The following ITIH6 variants were observed in gnomAD, a reference collection of about 807,000 sequenced individuals.
ITIH6 encodes the protein inter-alpha-trypsin inhibitor heavy chain H6.
A neutral mutation model predicts 58.2 loss-of-function variants in ITIH6; 60 were observed. The observed-to-expected ratio is 1.03, with a 90% CI of 0.84 to 1.28. The LOEUF (loss-of-function observed/expected upper bound fraction) is 1.28. Ranked by LOEUF, ITIH6 falls within the 50% of genes most tolerant of loss-of-function variation. The pLI, the probability that ITIH6 is intolerant of heterozygous loss-of-function variation, is 0.00. For synonymous variants in ITIH6, 493 were observed against 417.4 expected (o/e 1.18, Z -2.21); for missense variants, 1,290 against 1,021.1 (o/e 1.26, Z -3.59).
intron 5 of ITIH6, among the ~76,000 whole-genome samples, chrX:54,785,180 G>C (rs1237670809): frequency 9.9e-6 from 1 of 101,378 alleles, no homozygotes. Context: ...ATAGAGAGTA[G>C]AAGAGTGGTT....
chrX:54,775,950 G>T (rs1031323411), intron 5 of ITIH6, among the ~76,000 whole-genome samples: 1 of 112,013 alleles, frequency 8.9e-6, no homozygotes, highest in Non-Finnish European at 1.9e-5. Flanking sequence ...ACACAAATAA[G>T]CACCTTCAAA....
At position 54,750,080 on chromosome X, in the gene ITIH6, G is replaced by T; in HGVS notation, c.3757C>A (p.Leu1253Met). ...CATGGCCCCATAGGTCCTGTCACCA[G>T]TCGGATGTCTGCGTGCTGGAACTGC... ...IGQFQHADIRLVTGPMGPCLR... is the reference protein window; with the variant it reads ...IGQFQHADIRMVTGPMGPCLR... The change falls in exon 13 of 13, where the codon CTG becomes ATG. Residue 1253 changes from leucine to methionine, a missense_variant. Physicochemically the swap from Leu to Met is conservative, Grantham distance 15. Coordinates refer to ENST00000218436, the MANE Select transcript of ITIH6 (RefSeq NM_198510.3). 1 of 1,209,171 alleles carries T rather than the reference G, an allele frequency of 8.3e-7. No individual in the cohort carries two copies. Among genetic ancestry groups the T allele is most frequent in the Non-Finnish European group, 1.1e-6 (1 of 893,920 alleles).
chrX:54,763,551 G>T (rs1355458530), intron 6 of ITIH6, among the ~76,000 whole-genome samples: 1 of 112,301 alleles, frequency 8.9e-6, no homozygotes, highest in African/African-American at 3.2e-5. Context: ...AATTTGTTAA[G>T]GTATGTTTTA....
At chrX:54,776,319 G>A (rs1255452171) in intron 5 of ITIH6, among the ~76,000 whole-genome samples, 1 of 111,481 alleles carries the variant, frequency 9.0e-6, no homozygotes, top group Admixed American at 9.5e-5. Flanking sequence ...TCACCGCCAT[G>A]GACTAAAGTG....
intron 4 of ITIH6, among the ~76,000 whole-genome samples, chrX:54,789,049 G>GAGAC (rs757191656): frequency 2.7e-5 from 3 of 112,632 alleles, no homozygotes; most frequent in Non-Finnish European, 3.8e-5. Flanking sequence ...GTGTGTCCAG[G>GAGAC]AGACAGACAG....
intron 2 of ITIH6, among the ~76,000 whole-genome samples, chrX:54,795,743 T>G (rs1259024914): frequency 3.6e-5 from 4 of 112,011 alleles, no homozygotes; most frequent in Non-Finnish European, 5.6e-5. Context: ...TCTGAGGTTT[T>G]CTCCACCAGC....
chrX:54,784,867 C>T (rs1836016638), intron 5 of ITIH6, among the ~76,000 whole-genome samples: 1 of 111,834 alleles, frequency 8.9e-6, no homozygotes, highest in Admixed American at 9.5e-5. Flanking sequence ...TAAAGAAAAT[C>T]AGTGTATCCA....
intron 6 of ITIH6, among the ~76,000 whole-genome samples, 179 bp from the exon 7 acceptor site, chrX:54,760,106 A>G (rs1010736452): frequency 6.2e-5 from 7 of 112,313 alleles, no homozygotes; most frequent in African/African-American, 2.3e-4. Flanking sequence ...TCCAAGGCAT[A>G]GAACTGCACT....
At chrX:54,764,257 TTC>T (rs1344207634) in intron 6 of ITIH6, among the ~76,000 whole-genome samples, 1 of 110,669 alleles carries the variant, frequency 9.0e-6, no homozygotes, top group African/African-American at 3.3e-5. Context: ...TCTTTTAAAA[TTC>T]TTTTTTTTTT....
chrX:54,779,708 T>C (rs1929115633), intron 5 of ITIH6, among the ~76,000 whole-genome samples: 1 of 110,753 alleles, frequency 9.0e-6, no homozygotes, highest in South Asian at 3.8e-4. Context: ...TCACATCGAA[T>C]GTAAATGGGC....
chrX:54,778,687 G>T (rs1929097178), intron 5 of ITIH6, among the ~76,000 whole-genome samples: 1 of 111,593 alleles, frequency 9.0e-6, no homozygotes, highest in Non-Finnish European at 1.9e-5. Flanking sequence ...CTAATGAGGA[G>T]ATAGAGAAAG....
chrX:54,795,480 C>T lies in ITIH6; in HGVS notation c.257+1462G>A, dbSNP rs186064766. ...ATGGTTTGGAGACCATTAAGTGAGA[C>T]CCAAGGAGGTGCTCTAACATTGAAA... On this transcript the variant is annotated intron_variant, in intron 2 of 12. Coordinates refer to ENST00000218436, the MANE Select transcript of ITIH6 (RefSeq NM_198510.3). 6.2e-3 allele frequency among the ~76,000 whole-genome samples: 696 copies of T among 111,441 alleles called. 4 individuals carry two copies. Among genetic ancestry groups the T allele is most frequent in the Middle Eastern group, 0.028 (6 of 215 alleles).
At position 54,757,346 on chromosome X, in the gene ITIH6, T is replaced by A; in HGVS notation, c.2728A>T (p.Ser910Cys). 1 of 1,204,986 alleles carries A rather than the reference T, an allele frequency of 8.3e-7. No individual in the cohort carries two copies. The highest frequency in any genetic ancestry group is 1.1e-6 in the Non-Finnish European group (1 of 891,865). Reference sequence around the variant, plus strand: ...GTGGTACTGCTGGGACCTGTGGAACTTGAGATTGTATTTGGGAATGTGCTT... The same window carrying A: ...GTGGTACTGCTGGGACCTGTGGAACATGAGATTGTATTTGGGAATGTGCTT... ...SLSTFPNTIS[S>C]STGPSSTTTT... Residue 910 changes from serine (S) to cysteine (C), a missense_variant, in exon 8 of 13, where the codon AGT becomes TGT. Physicochemically the swap from Ser to Cys is moderately radical, Grantham distance 112 (BLOSUM62 -1). Coordinates refer to ENST00000218436, the MANE Select transcript of ITIH6 (RefSeq NM_198510.3).
At position 54,753,694 on chromosome X, in the gene ITIH6, C is replaced by G. The variant is rs757390310; in HGVS notation, c.3309G>C (p.Gly1103=). 2 of 1,208,796 alleles carry G rather than the reference C, an allele frequency of 1.7e-6. No homozygotes were observed. The highest frequency in any genetic ancestry group is 3.5e-5 in the African/African-American group (2 of 56,935). Residue 1103 remains glycine, a synonymous_variant, in exon 11 of 13, where the codon GGG becomes GGC. Coordinates refer to ENST00000218436, the MANE Select transcript of ITIH6 (RefSeq NM_198510.3). The part of the protein sequence containing the change: ...SEEKICFTLN[G]HPGDLLQLIE... Reference sequence around the variant, plus strand: ...TGAGCTGCAGCAAGTCCCCAGGGTGCCCATTCAGTGTGAAGCAGATCTTCT... The same window carrying G: ...TGAGCTGCAGCAAGTCCCCAGGGTGGCCATTCAGTGTGAAGCAGATCTTCT...
chrX:54,753,643 G>C lies in ITIH6; in HGVS notation c.3352+8C>G. 1 of 1,171,929 alleles carries C rather than the reference G, an allele frequency of 8.5e-7. No individual in the cohort carries two copies. The highest frequency in any genetic ancestry group is 1.2e-6 in the Non-Finnish European group (1 of 859,734). On this transcript the variant is annotated splice_region_variant and intron_variant, in intron 11 of 12. Coordinates refer to ENST00000218436, the MANE Select transcript of ITIH6 (RefSeq NM_198510.3). ...GGTGTATGGTGATGGAGTTCTTGGG[G>C]CTCTTACCTGCCTTTGGGTCCTCTA...
Position 54,758,037 on chromosome X carries a change from C to T in ITIH6, c.2037G>A (p.Lys679=). 2 of 1,211,323 alleles carry T rather than the reference C, an allele frequency of 1.7e-6. No homozygotes were observed. Among genetic ancestry groups the T allele is most frequent in the South Asian group, 3.5e-5 (2 of 56,972 alleles). The change falls in exon 8 of 13, where the codon AAG becomes AAA. Residue 679 remains lysine, a synonymous_variant. Transcript: ENST00000218436. The part of the protein sequence containing the change: ...YLSSTTTAST[K]KMLSSKELEP... ...CCAGCTCTTTGGAACTTAGCATCTT[C>T]TTGGTAGAGGCAGTAGTAGTTGAGG...
At position 54,759,938 on chromosome X, in the gene ITIH6, T is replaced by G. The variant is rs764821697; in HGVS notation, c.904-11A>C. On this transcript the variant is annotated splice_polypyrimidine_tract_variant and intron_variant, in intron 6 of 12. Coordinates refer to ENST00000218436, the MANE Select transcript of ITIH6 (RefSeq NM_198510.3). ...CATGGCCGTTTTAGTCTGTGGGATA[T>G]GGATGAAATGAAGAGAATGGGACAA... 4.2e-6 allele frequency: 5 copies of G among 1,193,665 alleles called. No individual in the cohort carries two copies. In the South Asian group the frequency reaches 9.2e-5, roughly 22 times the overall value.
At chrX:54,767,962 C>G (rs1393821531) in intron 6 of ITIH6, among the ~76,000 whole-genome samples, 5 of 97,371 alleles carry the variant, frequency 5.1e-5, no homozygotes, top group Non-Finnish European at 9.8e-5. Context: ...CTTTCTGTCT[C>G]ATTGATCTGT....
At chrX:54,770,226 C>G (rs1046197274) in intron 6 of ITIH6, among the ~76,000 whole-genome samples, 1 of 112,853 alleles carries the variant, frequency 8.9e-6, no homozygotes, top group African/African-American at 3.2e-5. Flanking sequence ...AATGCCTCGC[C>G]CTGCTTCGGC....
Sources: allele counts gnomAD v4.1 joint callset (sites outside exome capture counted in the v4.1 genomes callset), GRCh38; gene constraint gnomAD v4.1.1; transcripts MANE v1.5; gene names NCBI Gene and HGNC (gene_info 2026-07-23, HGNC 2026-07-21).